The following ILKAP variants were observed in gnomAD, a reference collection of about 807,000 sequenced individuals.
ILKAP encodes ILK associated serine/threonine phosphatase.
ILKAP carries 11 observed loss-of-function variants against 49.1 expected under a neutral mutation model. That is an observed-to-expected ratio of 0.22 (90% CI 0.14 to 0.37). ILKAP has a LOEUF of 0.37. Ranked by LOEUF, ILKAP falls within the 10% of genes least tolerant of loss-of-function variation. The probability of loss-of-function intolerance (pLI) is 1.00; values close to 1 mark genes in which losing one functional copy is unlikely to be tolerated. For synonymous variants in ILKAP, 186 were observed against 192.8 expected (o/e 0.96, Z 0.29); for missense variants, 363 against 510.8 (o/e 0.71, Z 2.79).
At chr2:238,199,591 C>G (rs1248840281) in intron 1 of ILKAP, among the ~76,000 whole-genome samples, 1 of 151,758 alleles carries the variant, frequency 6.6e-6, no homozygotes, top group Non-Finnish European at 1.5e-5. Flanking sequence ...TTCTTATACC[C>G]TTAGTAATGT....
intron 1 of ILKAP, among the ~76,000 whole-genome samples, chr2:238,196,164 G>A (rs767464394): frequency 1.5e-5 from 2 of 129,370 alleles, no homozygotes; most frequent in Non-Finnish European, 3.1e-5. Flanking sequence ...TGTGATCTTC[G>A]CTCACTGCCT....
chr2:238,192,229 G>GAAAAAC (rs1694160120), intron 3 of ILKAP, among the ~76,000 whole-genome samples: 1 of 150,262 alleles, frequency 6.7e-6, no homozygotes, highest in South Asian at 2.1e-4. Flanking sequence ...AAAAGAAAAA[G>GAAAAAC]AAAAAAAGAA....
chr2:238,175,314 A>T (rs1201551065), intron 9 of ILKAP, among the ~76,000 whole-genome samples: 1 of 152,038 alleles, frequency 6.6e-6, no homozygotes, highest in Non-Finnish European at 1.5e-5. Flanking sequence ...GCTGGTCCTT[A>T]AACAATTAGC....
In ILKAP at chr2:238,203,687, A is replaced by T. The variant is rs1694678435; in HGVS notation, c.-134T>A. ...GCGGCCGGCGCCGTCAGTCACCTGC[A>T]GGGAGAGTCCCGGACGCCACCAATC... On this transcript the variant is annotated 5_prime_UTR_variant, in exon 1 of 12. Transcript: ENST00000254654. 2 of 336,166 alleles carry T rather than the reference A, an allele frequency of 5.9e-6. No individual in the cohort carries two copies. The highest frequency in any genetic ancestry group is 9.4e-6 in the Non-Finnish European group (2 of 212,812). The allele number at this position is 336,166 out of a possible 1,614,324, so 20.8% of individuals were successfully genotyped here. A position where few individuals can be genotyped will look rare whatever the true frequency, so the allele number is the denominator to read the frequency against.
chr2:238,186,428 T>A (rs1693911535), intron 5 of ILKAP: 1 of 151,710 alleles, frequency 6.6e-6, no homozygotes, highest in Admixed American at 6.6e-5. Flanking sequence ...AGGCCAGGAG[T>A]TCAAGACCAG....
chr2:238,193,751 A>T (rs1694238693), intron 3 of ILKAP, among the ~76,000 whole-genome samples: 1 of 152,152 alleles, frequency 6.6e-6, no homozygotes, highest in Non-Finnish European at 1.5e-5. Flanking sequence ...TCTATCTCCC[A>T]ACCTCTCCTA....
At chr2:238,174,159 G>A (rs1166489413) in intron 9 of ILKAP, among the ~76,000 whole-genome samples, 1 of 152,206 alleles carries the variant, frequency 6.6e-6, no homozygotes, top group Non-Finnish European at 1.5e-5. Flanking sequence ...CATGTCCTTT[G>A]CATCAAGTAC....
chr2:238,202,880 T>A (rs1470786158), intron 1 of ILKAP, among the ~76,000 whole-genome samples: 1 of 135,630 alleles, frequency 7.4e-6, no homozygotes, highest in Admixed American at 7.8e-5. Context: ...GAACTTCCCG[T>A]GGACCAGAAA....
At chr2:238,178,154 A>G (rs1052168786) in intron 9 of ILKAP, among the ~76,000 whole-genome samples, 3 of 152,202 alleles carry the variant, frequency 2.0e-5, no homozygotes, top group African/African-American at 7.2e-5. Flanking sequence ...TAAGGACAAG[A>G]GAACAGCAAG....
At chr2:238,194,122 T>C (rs114953594) in intron 3 of ILKAP, among the ~76,000 whole-genome samples, 153 bp downstream of exon 3, 27 of 152,374 alleles carry the variant, frequency 1.8e-4, no homozygotes, top group African/African-American at 6.3e-4. Context: ...GTGCTTCCAA[T>C]TAATGTGCCT....
At chr2:238,203,225 C>T (rs974067165) in intron 1 of ILKAP, among the ~76,000 whole-genome samples, 1 of 151,070 alleles carries the variant, frequency 6.6e-6, no homozygotes, top group Non-Finnish European at 1.5e-5. Flanking sequence ...CTTTCACCGC[C>T]ACGCAGAGGG....
chr2:238,179,766 T>G (rs753795083), intron 9 of ILKAP, among the ~76,000 whole-genome samples: 30 of 152,150 alleles, frequency 2.0e-4, no homozygotes, highest in Non-Finnish European at 3.7e-4. Flanking sequence ...CTAAAGAAGG[T>G]CTTACACCTA....
intron 9 of ILKAP, among the ~76,000 whole-genome samples, chr2:238,180,375 G>A (rs1317191749): frequency 2.0e-5 from 3 of 152,110 alleles, no homozygotes; most frequent in Non-Finnish European, 2.9e-5. Context: ...TGTCAAGAAC[G>A]TCCTTATCTT....
chr2:238,188,181 G>A lies in ILKAP; in HGVS notation c.375C>T (p.His125=), dbSNP rs769962569. Residue 125 remains histidine, a synonymous_variant, in exon 5 of 12, where the codon CAC becomes CAT. Coordinates refer to ENST00000254654, the MANE Select transcript of ILKAP (RefSeq NM_030768.3). ...KGEREEMQDA[H]VILNDITEEC... is the part of the protein sequence containing the mutation. ...CCTCGGTGATGTCGTTCAGGATGAC[G>A]TGGGCATCCTGCATCTCCTCCCTCT... is the stretch of plus-strand genomic sequence containing the variant. 23 of 1,613,836 alleles carry A rather than the reference G, an allele frequency of 1.4e-5. No homozygotes were observed. Among genetic ancestry groups the A allele is most frequent in the Middle Eastern group, 1.6e-4 (1 of 6,062 alleles).
intron 3 of ILKAP, among the ~76,000 whole-genome samples, chr2:238,192,400 C>T (rs529899114): frequency 2.0e-4 from 31 of 151,866 alleles, no homozygotes; most frequent in African/African-American, 7.2e-4. Context: ...TTCCTGCCCG[C>T]TTAAGAATGT....
At chr2:238,197,535 C>A (rs558416633) in intron 1 of ILKAP, among the ~76,000 whole-genome samples, 10 of 152,270 alleles carry the variant, frequency 6.6e-5, no homozygotes, top group African/African-American at 2.4e-4. Flanking sequence ...TGCCACTGTA[C>A]AAGGGAGGAA....
In ILKAP at chr2:238,203,485, G is replaced by T. The variant is rs1452269911; in HGVS notation, c.55+14C>A. The T allele has an allele frequency of 3.2e-6, 4 of 1,247,268 alleles. No individual in the cohort carries two copies. Among genetic ancestry groups the T allele is most frequent in the Non-Finnish European group, 4.1e-6 (4 of 982,784 alleles). The allele number at this position is 1,247,268 out of a possible 1,614,324, so 77.3% of individuals were successfully genotyped here. A position where few individuals can be genotyped will look rare whatever the true frequency, so the allele number is the denominator to read the frequency against. ...TCTCCCTTCCCTGGCCGGCCCGGCG[G>T]CAACGCCGCTTACCGGCAGCCGGGC... is the stretch of plus-strand genomic sequence containing the variant. On this transcript the variant is annotated intron_variant, in intron 1 of 11. Transcript: ENST00000254654.
At chr2:238,186,416 T>G (rs1427346970) in intron 5 of ILKAP, 1 of 152,322 alleles carries the variant, frequency 6.6e-6, no homozygotes, top group Non-Finnish European at 1.5e-5. Flanking sequence ...GAGGATCACT[T>G]GAGGCCAGGA....
chr2:238,181,151 A>G (rs1693675774), intron 9 of ILKAP, among the ~76,000 whole-genome samples: 1 of 152,248 alleles, frequency 6.6e-6, no homozygotes. Context: ...GACTAGATTC[A>G]GCCTGGAGCA....
Sources: allele counts gnomAD v4.1 joint callset (sites outside exome capture counted in the v4.1 genomes callset), GRCh38; gene constraint gnomAD v4.1.1; transcripts MANE v1.5; gene names NCBI Gene and HGNC (gene_info 2026-07-23, HGNC 2026-07-21).